DENND4A: variants seen among roughly 807,000 people sequenced by gnomAD.
DENND4A encodes the protein C-myc promoter-binding protein.
Under a neutral mutation model 199.3 loss-of-function variants are expected in DENND4A, and 70 were observed. The ratio of observed to expected loss-of-function variants is 0.35; its 90% confidence interval spans 0.29 to 0.43. The LOEUF (loss-of-function observed/expected upper bound fraction) is 0.43, where lower values mean the gene tolerates loss of function less well. Among genes scored for constraint, DENND4A ranks in the 20% least tolerant of loss-of-function variants. The pLI, the probability that DENND4A is intolerant of heterozygous loss-of-function variation, is 1.00. For missense variants in DENND4A, 1,723 were observed against 2,255.8 expected (o/e 0.76, Z 4.78); for synonymous variants, 686 against 766.9 (o/e 0.89, Z 1.74).
At chr15:65,755,200 C>T (rs1021399049) in intron 3 of DENND4A, among the ~76,000 whole-genome samples, 1 of 152,146 alleles carries the variant, frequency 6.6e-6, no homozygotes, top group Admixed American at 6.5e-5. Flanking sequence ...ATAGGCAAAT[C>T]CATAAAGACA....
At chr15:65,705,327 G>C (rs576108550) in intron 15 of DENND4A, among the ~76,000 whole-genome samples, 16 of 152,232 alleles carry the variant, frequency 1.1e-4, no homozygotes, top group African/African-American at 3.9e-4. Flanking sequence ...ATGGTTTTTA[G>C]AATCTTTAAA....
chr15:65,753,196 C>T (rs2076612646), intron 3 of DENND4A, among the ~76,000 whole-genome samples: 1 of 152,060 alleles, frequency 6.6e-6, no homozygotes, highest in African/African-American at 2.4e-5. Flanking sequence ...CAGGGTGGAC[C>T]TGGCATCCAT....
At chr15:65,746,369 C>CTTTTTTTTTTTTTTTTTTTTT (rs573935476) in intron 4 of DENND4A, among the ~76,000 whole-genome samples, 5 of 51,268 alleles carry the variant, frequency 9.8e-5, no homozygotes, top group Non-Finnish European at 1.8e-4. Flanking sequence ...ACTTTTTTCT[C>CTTTTTTTTTTTTTTTTTTTTT]TTTTTTTTTT....
At chr15:65,733,505 AG>A (rs2076022494) in intron 7 of DENND4A, among the ~76,000 whole-genome samples, 5 of 152,188 alleles carry the variant, frequency 3.3e-5, no homozygotes, top group Admixed American at 3.3e-4. Context: ...TCTTGGTTTC[AG>A]AATGGAGAAA....
In DENND4A at chr15:65,690,527, A is replaced by G. The variant is rs940877470; in HGVS notation, c.4067T>C (p.Leu1356Pro). Residue 1356 changes from leucine (L) to proline (P), a missense_variant, in exon 23 of 33, where the codon CTA becomes CCA. By Grantham distance (98) the Leu-to-Pro change is moderately conservative. This residue lies in a region of DENND4A where 650 missense variants were observed against 738.1 expected (regional missense o/e 0.88). Transcript: ENST00000443035. ...SSPSFNLDTL[L>P]VPKLDVLRNS... ...TCTTAGAACATCTAGTTTAGGTACT[A>G]GTAGTGTATCTAAGTTAAATGAAGG... 21 of 1,613,524 alleles carry G rather than the reference A, an allele frequency of 1.3e-5. No homozygotes were observed. The highest frequency in any genetic ancestry group is 1.8e-5 in the Non-Finnish European group (21 of 1,179,620).
intron 13 of DENND4A, among the ~76,000 whole-genome samples, chr15:65,716,716 G>A (rs12899750): frequency 0.2 from 29,839 of 151,416 alleles, 3,933 homozygotes; most frequent in East Asian, 0.73. Context: ...ACGTGTGCAT[G>A]TGTCTTTATA....
Position 65,661,844 on chromosome 15 carries a change from A to G in DENND4A, c.*7T>C, listed in dbSNP as rs545987580. Reference sequence around the variant, plus strand: ...ATACATTGAATGTTTACACATACAAATACATCTTAAAGATAAGGTTCTCCA... The same window carrying G: ...ATACATTGAATGTTTACACATACAAGTACATCTTAAAGATAAGGTTCTCCA... On this transcript the variant is annotated 3_prime_UTR_variant, in exon 33 of 33. Transcript: ENST00000443035. 5 of 1,600,276 alleles carry G rather than the reference A, an allele frequency of 3.1e-6. No homozygotes were observed. In the East Asian group the frequency reaches 9.0e-5, roughly 29 times the overall value.
intron 5 of DENND4A, among the ~76,000 whole-genome samples, chr15:65,739,893 A>C (rs956726535): frequency 1.3e-5 from 2 of 152,172 alleles, no homozygotes; most frequent in African/African-American, 2.4e-5. Flanking sequence ...AATAGTGATG[A>C]AGGCCGGCTG....
rs1343844934 is a variant in DENND4A, at chr15:65,784,084, ATCTCTGTGAC to A, written c.-102+7916_-102+7925del. ...TATGATGCAATGAGAGCGGCACTTT[ATCTCTGTGAC>A]TCTCCTCCCCCAAACCCATAATCCC... On this transcript the variant is annotated intron_variant, in intron 1 of 32. Transcript: ENST00000443035. Among the ~76,000 whole-genome samples, 11 of 152,254 alleles carry A rather than the reference ATCTCTGTGAC, an allele frequency of 7.2e-5. No individual in the cohort carries two copies. The East Asian group carries it at 2.1e-3, about 29-fold the overall frequency.
chr15:65,696,350 G>T lies in DENND4A; in HGVS notation c.3082+16C>A. On this transcript the variant is annotated intron_variant, in intron 22 of 32. Transcript: ENST00000443035. Reference sequence around the variant, plus strand: ...AATTTATTCCGCACATAACACAAGCGTACTATTCAACTTACCCATGCTTTC... The same window carrying T: ...AATTTATTCCGCACATAACACAAGCTTACTATTCAACTTACCCATGCTTTC... 1 of 1,608,688 alleles carries T rather than the reference G, an allele frequency of 6.2e-7. No individual in the cohort carries two copies. The highest frequency in any genetic ancestry group is 8.5e-7 in the Non-Finnish European group (1 of 1,176,688).
At chr15:65,706,506 ATAT>A (rs2075063339) in intron 14 of DENND4A, among the ~76,000 whole-genome samples, 1 of 126,580 alleles carries the variant, frequency 7.9e-6, no homozygotes. Flanking sequence ...ATATATATAT[ATAT>A]TTTTTTTTGA....
At position 65,701,771 on chromosome 15, in the gene DENND4A, A is replaced by G. The variant is rs758937596; in HGVS notation, c.2550T>C (p.Tyr850=). The change falls in exon 18 of 33, where the codon TAT becomes TAC. Residue 850 remains tyrosine (Y), a synonymous_variant. Transcript: ENST00000443035. ...GIDPNAITYG[Y]YNKAVLESTW... ...AAACCAAGGTATTTACCTTATTATA[A>G]TAACCATAAGTAATGGCATTGGGGT... The G allele has an allele frequency of 3.1e-6, 5 of 1,613,554 alleles. No individual in the cohort carries two copies. The highest frequency in any genetic ancestry group is 4.2e-6 in the Non-Finnish European group (5 of 1,179,652).
chr15:65,748,793 C>T lies in DENND4A; in HGVS notation c.561+3586G>A, dbSNP rs542269186. On this transcript the variant is annotated intron_variant, in intron 4 of 32. Coordinates refer to ENST00000443035, the MANE Select transcript of DENND4A (RefSeq NM_001320835.1). ...TGGAGCTCAGGAGTTCAAGACGAGC[C>T]GGGGGTATGTAGGGAAACCTCAATT... 5.3e-5 allele frequency among the ~76,000 whole-genome samples: 8 copies of T among 151,482 alleles called. No homozygotes were observed. In the East Asian group the frequency reaches 5.8e-4, roughly 11 times the overall value.
intron 3 of DENND4A, among the ~76,000 whole-genome samples, chr15:65,755,652 G>C (rs1471977082): frequency 6.6e-6 from 1 of 152,084 alleles, no homozygotes; most frequent in Non-Finnish European, 1.5e-5. Context: ...TATAGTCCCA[G>C]CTACTCAAGA....
intron 1 of DENND4A, among the ~76,000 whole-genome samples, chr15:65,770,508 G>C (rs890057600): frequency 3.3e-5 from 5 of 151,988 alleles, no homozygotes; most frequent in African/African-American, 1.2e-4. Context: ...TATATGTATA[G>C]TAATTCATAA....
At chr15:65,732,288 A>T (rs1420468988) in intron 8 of DENND4A, among the ~76,000 whole-genome samples, 1 of 152,154 alleles carries the variant, frequency 6.6e-6, no homozygotes, top group Non-Finnish European at 1.5e-5. Context: ...ATTCCAGGAA[A>T]CAAGACAGAA....
intron 1 of DENND4A, among the ~76,000 whole-genome samples, chr15:65,765,236 C>T (rs2076952977): frequency 6.6e-6 from 1 of 152,100 alleles, no homozygotes; most frequent in African/African-American, 2.4e-5. Context: ...ACAGCTATTG[C>T]CTTACTTTCT....
chr15:65,736,863 A>C (rs2076133491), intron 7 of DENND4A, among the ~76,000 whole-genome samples: 1 of 152,192 alleles, frequency 6.6e-6, no homozygotes, highest in African/African-American at 2.4e-5. Context: ...AAAAATGTAA[A>C]ACAATGCCAT....
chr15:65,764,960 A>T (rs1039205980), intron 1 of DENND4A, among the ~76,000 whole-genome samples: 4 of 144,436 alleles, frequency 2.8e-5, no homozygotes, highest in African/African-American at 1.1e-4. Flanking sequence ...TGACAGAGCG[A>T]GACCCTGTCT....
Sources: allele counts gnomAD v4.1 joint callset (sites outside exome capture counted in the v4.1 genomes callset), GRCh38; gene constraint gnomAD v4.1.1; regional missense constraint gnomAD v4.1.1; transcripts MANE v1.5; gene names NCBI Gene and HGNC (gene_info 2026-07-23, HGNC 2026-07-21).